The following CCN6 variants were observed in gnomAD, a reference collection of about 807,000 sequenced individuals.
CCN6 encodes cellular communication network factor 6.
CCN6 carries 31 observed loss-of-function variants against 37.4 expected under a neutral mutation model. The observed-to-expected ratio is 0.83, with a 90% confidence interval of 0.62 to 1.12. The LOEUF is 1.12. Ranked by LOEUF, CCN6 falls within the 50% of genes most tolerant of loss-of-function variation. CCN6 has a pLI of 0.00. For synonymous variants in CCN6, 137 were observed against 142.1 expected (o/e 0.96, Z 0.26); for missense variants, 369 against 413.8 (o/e 0.89, Z 0.94).
intron 3 of CCN6, 152 bp downstream of exon 3, chr6:112,065,149 A>G (rs953368217): frequency 8.1e-7 from 1 of 1,238,908 alleles, no homozygotes; most frequent in East Asian, 2.4e-5. Context: ...TCTTTGCCTC[A>G]GACAGGGATA....
intron 4 of CCN6, among the ~76,000 whole-genome samples, 196 bp downstream of exon 4, chr6:112,068,594 G>A (rs1776770967): frequency 6.6e-6 from 1 of 152,054 alleles, no homozygotes; most frequent in Non-Finnish European, 1.5e-5. Context: ...ACCAACCAGA[G>A]CAGATTCTAA....
intron 1 of CCN6, among the ~76,000 whole-genome samples, chr6:112,057,164 G>A (rs9487805): frequency 1.3e-3 from 198 of 152,314 alleles, no homozygotes; most frequent in African/African-American, 4.5e-3. Flanking sequence ...AACCCAGGGA[G>A]TCCAGCAAAT....
At chr6:112,059,422 A>G (rs1330362439) in intron 1 of CCN6, among the ~76,000 whole-genome samples, 1 of 152,144 alleles carries the variant, frequency 6.6e-6, no homozygotes, top group African/African-American at 2.4e-5. Context: ...TGCCTGTTCC[A>G]GCTTTTAAAG....
chr6:112,063,128 C>G (rs782543086), intron 2 of CCN6, among the ~76,000 whole-genome samples: 1 of 152,124 alleles, frequency 6.6e-6, no homozygotes, highest in Non-Finnish European at 1.5e-5. Flanking sequence ...TAGCTAGAGT[C>G]GCACATTTGC....
chr6:112,059,880 G>A (rs2114440965), intron 1 of CCN6: 2 of 1,187,944 alleles, frequency 1.7e-6, no homozygotes, highest in Non-Finnish European at 2.2e-6. Flanking sequence ...CAACTGAAAT[G>A]TGTAGGTAAT....
chr6:112,060,059 A>G (rs1554312474), intron 1 of CCN6: 1 of 1,366,468 alleles, frequency 7.3e-7, no homozygotes, highest in Admixed American at 1.9e-5. Context: ...GAGAACAAGG[A>G]CGCTGGTGTG....
At position 112,068,305 on chromosome 6, in the gene CCN6, G is replaced by A; in HGVS notation, c.690G>A (p.Arg230=). Residue 230 remains arginine, a synonymous_variant, in exon 4 of 5, where the codon AGG becomes AGA. Transcript: ENST00000368666. ...CATGTGGGATGGGAATATCTAACAG[G>A]GTGACCAATGAAAACAGCAACTGTG... is the stretch of plus-strand genomic sequence containing the variant. ...SRTCGMGISN[R]VTNENSNCEM... 1 of 1,613,402 alleles carries A rather than the reference G, an allele frequency of 6.2e-7. No individual in the cohort carries two copies. Among genetic ancestry groups the A allele is most frequent in the East Asian group, 2.2e-5 (1 of 44,808 alleles).
At chr6:112,056,942 C>T (rs1554311873) in intron 1 of CCN6, among the ~76,000 whole-genome samples, 1 of 152,024 alleles carries the variant, frequency 6.6e-6, no homozygotes, top group African/African-American at 2.4e-5. Flanking sequence ...GAAGTCAGAT[C>T]TCATTTTTCA....
Position 112,069,571 on chromosome 6 carries a change from G to C in CCN6, c.1016G>C (p.Arg339Thr). 2 of 1,613,698 alleles carry C rather than the reference G, an allele frequency of 1.2e-6. No homozygotes were observed. The highest frequency in any genetic ancestry group is 8.5e-7 in the Non-Finnish European group (1 of 1,179,818). ...MLWITSCVCQRNCREPGDIFS... is the reference protein window; with the variant it reads ...MLWITSCVCQTNCREPGDIFS... ...TGGATTACATCTTGTGTGTGTCAGA[G>C]AAACTGCAGAGAACCTGGAGATATA... Residue 339 changes from arginine (R) to threonine (T), a missense_variant, in exon 5 of 5, where the codon AGA (arginine) becomes ACA (threonine). Coordinates refer to ENST00000368666, the MANE Select transcript of CCN6 (RefSeq NM_198239.2).
intron 2 of CCN6, among the ~76,000 whole-genome samples, chr6:112,064,118 T>C (rs116351920): frequency 0.015 from 2,250 of 152,300 alleles, 61 homozygotes; most frequent in African/African-American, 0.052. Flanking sequence ...TTAGCCACAG[T>C]TGCTTTTGTA....
rs190456233 is a variant in CCN6 at position 112,066,942 on chromosome 6, A to G, written c.590-1263A>G. ...CAAGTGGGATTACTGGTAACACGGT[A>G]ATCTAACCTGCCTTTATTTATTGCA... is the stretch of plus-strand genomic sequence containing the variant. On this transcript the variant is annotated intron_variant, in intron 3 of 4. Coordinates refer to ENST00000368666, the MANE Select transcript of CCN6 (RefSeq NM_198239.2). The G allele has an allele frequency of 2.8e-5, 38 of 1,363,496 alleles. No homozygotes were observed. The African/African-American group carries it at 5.5e-4, about 20-fold the overall frequency. 84.5% of individuals were successfully genotyped at this position (1,363,496 alleles called of 1,614,324 possible).
chr6:112,056,566 G>C (rs993199164), intron 1 of CCN6, among the ~76,000 whole-genome samples: 2 of 151,988 alleles, frequency 1.3e-5, no homozygotes, highest in African/African-American at 4.8e-5. Flanking sequence ...GCCTAGGCTG[G>C]AGTGCAGTGG....
chr6:112,055,881 C>A (rs587622830), intron 1 of CCN6, among the ~76,000 whole-genome samples: 1 of 152,334 alleles, frequency 6.6e-6, no homozygotes, highest in African/African-American at 2.4e-5. Flanking sequence ...TGAGCCACCA[C>A]CTCCGGCCCA....
chr6:112,066,543 T>C (rs1339956068), intron 3 of CCN6, among the ~76,000 whole-genome samples: 1 of 152,192 alleles, frequency 6.6e-6, no homozygotes, highest in Non-Finnish European at 1.5e-5. Context: ...TCTCCTGAAG[T>C]GTTCTCTGGT....
rs781807943 is a variant in CCN6 at position 112,067,072 on chromosome 6, G to A, written c.590-1133G>A. 3 of 1,337,018 alleles carry A rather than the reference G, an allele frequency of 2.2e-6. 1 individual carries two copies. In the South Asian group the frequency reaches 3.5e-5, roughly 15 times the overall value. The allele number at this position is 1,337,018 out of a possible 1,614,324, so 82.8% of individuals were successfully genotyped here. On this transcript the variant is annotated intron_variant, in intron 3 of 4. Transcript: ENST00000368666. ...CTGCTTCCTCTCCTCAGTTCTATGT[G>A]CAATTGCAAGAGACTCTACTGTCAT...
At chr6:112,055,893 G>C (rs1245639077) in intron 1 of CCN6, among the ~76,000 whole-genome samples, 1 of 152,086 alleles carries the variant, frequency 6.6e-6, no homozygotes, top group Non-Finnish European at 1.5e-5. Flanking sequence ...TCCGGCCCAA[G>C]GGTGCTTTAG....
chr6:112,064,644 G>A lies in CCN6; in HGVS notation c.347-111G>A, dbSNP rs1213116719. The A allele has an allele frequency of 1.9e-6, 3 of 1,541,304 alleles. No homozygotes were observed. The African/African-American group carries it at 4.1e-5, about 21-fold the overall frequency. On this transcript the variant is annotated intron_variant, in intron 2 of 4. Transcript: ENST00000368666. ...TTCCAAATGGAACCTAAGAGGTTGA[G>A]AGCTATACTTCATACAGGAGATGAT...
At chr6:112,058,742 A>G (rs1309490484) in intron 1 of CCN6, among the ~76,000 whole-genome samples, 1 of 152,260 alleles carries the variant, frequency 6.6e-6, no homozygotes, top group East Asian at 1.9e-4. Context: ...CCTAATGCAT[A>G]CAAGAACTGC....
At chr6:112,068,859 GT>G (rs1183252537) in intron 4 of CCN6, among the ~76,000 whole-genome samples, 5 of 151,110 alleles carry the variant, frequency 3.3e-5, no homozygotes, top group Non-Finnish European at 5.9e-5. Flanking sequence ...CAGTAAGTCT[GT>G]CTCAAAAAGG....
Sources: allele counts gnomAD v4.1 joint callset (sites outside exome capture counted in the v4.1 genomes callset), GRCh38; gene constraint gnomAD v4.1.1; transcripts MANE v1.5; gene names NCBI Gene and HGNC (gene_info 2026-07-23, HGNC 2026-07-21).